The following EYA2 variants were observed in gnomAD, a reference collection of about 807,000 sequenced individuals.
The protein encoded by EYA2 is protein phosphatase EYA2.
EYA2 carries 31 observed loss-of-function variants against 69.2 expected under a neutral mutation model. That is an observed-to-expected ratio of 0.45 (90% CI 0.34 to 0.60). The LOEUF (loss-of-function observed/expected upper bound fraction) is 0.60. Among genes scored for constraint, EYA2 ranks in the 20% least tolerant of loss-of-function variants. EYA2 has a pLI of 0.02. For missense variants in EYA2, 622 were observed against 701.2 expected, an observed-to-expected ratio of 0.89 and a Z score of 1.28; for synonymous variants, 257 against 279.4, an observed-to-expected ratio of 0.92 and a Z score of 0.80.
chr20:47,119,751 A>G (rs2032996897), intron 9 of EYA2, among the ~76,000 whole-genome samples: 1 of 152,138 alleles, frequency 6.6e-6, no homozygotes, highest in Non-Finnish European at 1.5e-5. Flanking sequence ...TGGGTGCACA[A>G]CATTGTACCC....
chr20:47,041,293 C>CT (rs973384597), intron 5 of EYA2, among the ~76,000 whole-genome samples: 1 of 152,172 alleles, frequency 6.6e-6, no homozygotes. Context: ...TTTAATTTAT[C>CT]TTATGTTATT....
chr20:47,086,704 T>C (rs2031904094), intron 7 of EYA2, among the ~76,000 whole-genome samples: 1 of 152,118 alleles, frequency 6.6e-6, no homozygotes, highest in Non-Finnish European at 1.5e-5. Context: ...GATTACAATT[T>C]GACAGGAGAT....
At chr20:46,924,669 CAAAAAAAAA>C (rs10568771) in intron 1 of EYA2, among the ~76,000 whole-genome samples, 19 of 88,352 alleles carry the variant, frequency 2.2e-4, no homozygotes, top group South Asian at 1.7e-3. Context: ...GACTCCATCT[CAAAAAAAAA>C]AAAAAAAAAA....
intron 10 of EYA2, among the ~76,000 whole-genome samples, chr20:47,152,609 G>A (rs1308942525): frequency 6.6e-6 from 1 of 151,504 alleles, no homozygotes; most frequent in East Asian, 2.0e-4. Flanking sequence ...TCAGGGCTTC[G>A]AGACCAGCCT....
intron 5 of EYA2, among the ~76,000 whole-genome samples, chr20:47,025,637 T>A (rs1984035891): frequency 6.6e-6 from 1 of 152,232 alleles, no homozygotes; most frequent in African/African-American, 2.4e-5. Context: ...TGAAAACCCC[T>A]ATATGTATAT....
chr20:47,187,539 A>G (rs1224582100), intron 15 of EYA2, among the ~76,000 whole-genome samples: 1 of 152,136 alleles, frequency 6.6e-6, no homozygotes, highest in African/African-American at 2.4e-5. Context: ...TTCACAGTGG[A>G]GACTGTCAAT....
At chr20:46,973,904 T>C (rs1402845639) in intron 1 of EYA2, among the ~76,000 whole-genome samples, 1 of 152,172 alleles carries the variant, frequency 6.6e-6, no homozygotes, top group Non-Finnish European at 1.5e-5. Flanking sequence ...CATGGCTCTT[T>C]CAATTTCGGG....
chr20:47,115,375 C>T (rs1268677725), intron 9 of EYA2, among the ~76,000 whole-genome samples: 5 of 152,168 alleles, frequency 3.3e-5, no homozygotes. Flanking sequence ...TGGGCCTCTG[C>T]GTATGCTATT....
At chr20:46,944,213 G>T (rs1204993300) in intron 1 of EYA2, among the ~76,000 whole-genome samples, 1 of 152,166 alleles carries the variant, frequency 6.6e-6, no homozygotes, top group Non-Finnish European at 1.5e-5. Context: ...TGGCCAAGCA[G>T]GTCCTGTTTT....
chr20:47,064,849 C>T (rs1158782647), intron 5 of EYA2, among the ~76,000 whole-genome samples: 1 of 152,188 alleles, frequency 6.6e-6, no homozygotes. Context: ...CAGTGTCCAA[C>T]ATGAGAGATG....
At chr20:47,180,055 T>G in intron 13 of EYA2, 143 bp downstream of exon 13, 1 of 623,096 alleles carries the variant, frequency 1.6e-6, no homozygotes. Flanking sequence ...TTTTTTGATA[T>G]GGAGTCTCAC....
chr20:47,179,563 T>C (rs1178757853), intron 12 of EYA2, among the ~76,000 whole-genome samples: 1 of 139,532 alleles, frequency 7.2e-6, no homozygotes, highest in Non-Finnish European at 1.6e-5. Flanking sequence ...GGTGGATGGA[T>C]GGATGGATGA....
rs150309946 is a variant in EYA2, at chr20:47,177,734, T to G, written c.1199-2064T>G. ...CCATAGCACAGGCAGCATTTTGTCC[T>G]AATTAATTCATTCTTCCTTCAACAA... On this transcript the variant is annotated intron_variant, in intron 12 of 15. Coordinates refer to ENST00000327619, the MANE Select transcript of EYA2 (RefSeq NM_005244.5). Among the ~76,000 whole-genome samples, 45 of 152,348 alleles carry G rather than the reference T, an allele frequency of 3.0e-4. No individual in the cohort carries two copies. The East Asian group carries it at 7.5e-3, about 25-fold the overall frequency.
rs1011035575 is a variant in EYA2 at position 47,004,774 on chromosome 20, C to T, written c.156-168C>T. 4.5e-6 allele frequency: 4 copies of T among 882,122 alleles called. No homozygotes were observed. The African/African-American group carries it at 6.6e-5, about 15-fold the overall frequency. 54.6% of individuals were successfully genotyped at this position (882,122 alleles called of 1,614,324 possible). A position where few individuals can be genotyped will look rare whatever the true frequency, so the allele number is the denominator to read the frequency against. ...CACAGGAGACAGAAAATGTAATCTT[C>T]CTGCTTCCCAGGCAGAGGAAAATAA... On this transcript the variant is annotated intron_variant, in intron 3 of 15. Coordinates refer to ENST00000327619, the MANE Select transcript of EYA2 (RefSeq NM_005244.5).
intron 1 of EYA2, among the ~76,000 whole-genome samples, chr20:46,954,091 C>G (rs1311385815): frequency 6.6e-6 from 1 of 152,230 alleles, no homozygotes; most frequent in African/African-American, 2.4e-5. Context: ...ATGTGCTGCT[C>G]TGTCCTGTTG....
chr20:47,050,709 G>C (rs919817219), intron 5 of EYA2, among the ~76,000 whole-genome samples: 1 of 152,222 alleles, frequency 6.6e-6, no homozygotes, highest in Non-Finnish European at 1.5e-5. Context: ...TTTTGCATAA[G>C]GTATTTCCAC....
intron 9 of EYA2, among the ~76,000 whole-genome samples, chr20:47,103,867 G>C (rs1021817841): frequency 7.2e-5 from 11 of 152,208 alleles, no homozygotes; most frequent in African/African-American, 2.7e-4. Flanking sequence ...GATAGTTGAA[G>C]TTTGGGCCAT....
At chr20:47,048,438 T>C (rs2030157535) in intron 5 of EYA2, among the ~76,000 whole-genome samples, 1 of 152,206 alleles carries the variant, frequency 6.6e-6, no homozygotes, top group Admixed American at 6.5e-5. Context: ...ATTTTGTCAG[T>C]TTCAAAAATA....
At chr20:46,961,828 A>G (rs1979494434) in intron 1 of EYA2, among the ~76,000 whole-genome samples, 1 of 152,208 alleles carries the variant, frequency 6.6e-6, no homozygotes, top group African/African-American at 2.4e-5. Context: ...AGTTAATCTC[A>G]TGGAAGCAGA....
Sources: allele counts gnomAD v4.1 joint callset (sites outside exome capture counted in the v4.1 genomes callset), GRCh38; gene constraint gnomAD v4.1.1; transcripts MANE v1.5; gene names NCBI Gene and HGNC (gene_info 2026-07-23, HGNC 2026-07-21).